LIN9: variants seen among roughly 807,000 people sequenced by gnomAD.
The protein encoded by LIN9 is lin-9 DREAM MuvB core complex component, also known as protein lin-9 homolog.
A neutral mutation model predicts 78.0 loss-of-function variants in LIN9; 18 were observed. The observed-to-expected ratio is 0.23, with a 90% CI of 0.16 to 0.34. The LOEUF (loss-of-function observed/expected upper bound fraction) is 0.34. Among genes scored for constraint, LIN9 ranks in the 10% least tolerant of loss-of-function variants. The pLI, the probability that LIN9 is intolerant of heterozygous loss-of-function variation, is 1.00. For synonymous variants in LIN9, 192 were observed against 215.2 expected (o/e 0.89, Z 0.94); for missense variants, 451 against 644.1 (o/e 0.70, Z 3.25).
At chr1:226,309,416 G>T (rs938590966), upstream of LIN9, 13 of 996,672 alleles carry the variant, frequency 1.3e-5, no homozygotes, top group African/African-American at 2.3e-4. Flanking sequence ...GCGAGGCCCG[G>T]CGCCGGAGCG....
intron 1 of LIN9, among the ~76,000 whole-genome samples, chr1:226,302,057 C>A (rs918803024): frequency 5.3e-5 from 8 of 151,990 alleles, no homozygotes; most frequent in African/African-American, 1.9e-4. Flanking sequence ...AGACAGAGTA[C>A]GACTCTGCCT....
Position 226,265,248 on chromosome 1 carries a change from T to C in LIN9, c.1038+285A>G, listed in dbSNP as rs1366220309. On this transcript the variant is annotated intron_variant, in intron 10 of 14. Transcript: ENST00000681046. This position sits in a 1 kb window ranked among gnomAD's most constrained non-coding sequence, Gnocchi z 4.1. ...AAAGCCTTCATAGTTACCCAAGTTA[T>C]TAACAGCCAAACATTCAGAATTTCA... is the stretch of plus-strand genomic sequence containing the variant. Among the ~76,000 whole-genome samples, 1 of 152,246 alleles carries C rather than the reference T, an allele frequency of 6.6e-6. No homozygotes were observed. The highest frequency in any genetic ancestry group is 2.4e-5 in the African/African-American group (1 of 41,466).
At chr1:226,290,722 T>A (rs1576347311) in intron 4 of LIN9, among the ~76,000 whole-genome samples, 1 of 152,148 alleles carries the variant, frequency 6.6e-6, no homozygotes, top group Admixed American at 6.6e-5. Context: ...AAATAGGAAC[T>A]CTAATATATA....
intron 11 of LIN9, among the ~76,000 whole-genome samples, chr1:226,249,216 TCGA>T (rs1435625797): frequency 6.6e-6 from 1 of 152,074 alleles, no homozygotes; most frequent in African/African-American, 2.4e-5. Flanking sequence ...TGAAAAGGCA[TCGA>T]ATATAAAGGG....
At chr1:226,247,100 T>G (rs928828928) in intron 11 of LIN9, among the ~76,000 whole-genome samples, 1 of 152,146 alleles carries the variant, frequency 6.6e-6, no homozygotes, top group Non-Finnish European at 1.5e-5. Flanking sequence ...AATTACTAGC[T>G]CTCTCTTTAG....
chr1:226,259,037 GT>G (rs1659397731), intron 10 of LIN9, among the ~76,000 whole-genome samples: 1 of 143,192 alleles, frequency 7.0e-6, no homozygotes, highest in East Asian at 2.2e-4. Flanking sequence ...GTGTTGCAAT[GT>G]CAGCTCACGC....
chr1:226,286,957 C>A (rs975505475), intron 5 of LIN9, among the ~76,000 whole-genome samples: 1 of 152,164 alleles, frequency 6.6e-6, no homozygotes, highest in African/African-American at 2.4e-5. Flanking sequence ...CAATTCTATT[C>A]ATGAGTCTGG....
chr1:226,289,234 CA>C (rs147898964), intron 4 of LIN9, among the ~76,000 whole-genome samples: 36,902 of 146,076 alleles, frequency 0.25, 4,684 homozygotes, highest in South Asian at 0.34. Flanking sequence ...GACTCCATGT[CA>C]AAAAAAAAGA....
chr1:226,250,952 CAG>C, intron 10 of LIN9, 33 bp from the exon 11 acceptor site: 2 of 1,098,322 alleles, frequency 1.8e-6, no homozygotes, highest in Non-Finnish European at 2.7e-6. Flanking sequence ...TTAGAATAAA[CAG>C]AGGCATTTAG....
intron 10 of LIN9, among the ~76,000 whole-genome samples, chr1:226,257,662 A>C (rs1242219624): frequency 1.3e-5 from 2 of 152,214 alleles, no homozygotes; most frequent in African/African-American, 4.8e-5. Flanking sequence ...GCTAAAAGAA[A>C]AAAAAGTATA....
intron 10 of LIN9, among the ~76,000 whole-genome samples, chr1:226,251,694 C>T (rs1341582388): frequency 6.6e-6 from 1 of 152,178 alleles, no homozygotes; most frequent in African/African-American, 2.4e-5. Context: ...TCTGATTAAA[C>T]CGACAAGCAA....
intron 10 of LIN9, among the ~76,000 whole-genome samples, chr1:226,258,468 CA>C (rs200742420): frequency 0.027 from 2,017 of 73,796 alleles, 15 homozygotes; most frequent in Non-Finnish European, 0.04. Flanking sequence ...GACTTTGTCT[CA>C]AAAAAAAAAA....
intron 6 of LIN9, among the ~76,000 whole-genome samples, chr1:226,285,883 T>G (rs1011727108): frequency 6.6e-6 from 1 of 152,160 alleles, no homozygotes. Flanking sequence ...CAGAGGGACA[T>G]AGATAATGTA....
At chr1:226,258,318 T>C (rs1659335969) in intron 10 of LIN9, among the ~76,000 whole-genome samples, 1 of 150,508 alleles carries the variant, frequency 6.6e-6, no homozygotes, top group African/African-American at 2.5e-5. Context: ...CTGGCCAACA[T>C]GGTGAAAACC....
intron 7 of LIN9, among the ~76,000 whole-genome samples, chr1:226,275,976 C>T (rs1190240528): frequency 6.6e-6 from 1 of 151,774 alleles, no homozygotes; most frequent in Non-Finnish European, 1.5e-5. Flanking sequence ...TGTAGTGAGC[C>T]GAGATCACAC....
At chr1:226,270,069 C>T (rs1325198566) in intron 7 of LIN9, among the ~76,000 whole-genome samples, 2 of 152,064 alleles carry the variant, frequency 1.3e-5, no homozygotes, top group East Asian at 1.9e-4. Context: ...ATTACAAGTG[C>T]CCGCCACCAC....
chr1:226,281,131 T>C (rs79524293), intron 6 of LIN9, among the ~76,000 whole-genome samples: 5,149 of 152,242 alleles, frequency 0.034, 324 homozygotes, highest in African/African-American at 0.12. Flanking sequence ...ATAGATGATA[T>C]TGGAAGTCAT....
chr1:226,279,718 T>A (rs1660918400), intron 6 of LIN9, among the ~76,000 whole-genome samples: 1 of 134,852 alleles, frequency 7.4e-6, no homozygotes, highest in African/African-American at 2.9e-5. Context: ...GAAGTTGTAG[T>A]GAGCCGAGAT....
At chr1:226,260,860 T>C (rs1042980359) in intron 10 of LIN9, among the ~76,000 whole-genome samples, 2 of 151,924 alleles carry the variant, frequency 1.3e-5, no homozygotes, top group Non-Finnish European at 2.9e-5. Flanking sequence ...TTAGCCAGGA[T>C]GGTCTCGATC....
Sources: allele counts gnomAD v4.1 joint callset (sites outside exome capture counted in the v4.1 genomes callset), GRCh38; gene constraint gnomAD v4.1.1; non-coding constraint Gnocchi (gnomAD v3.1); transcripts MANE v1.5; gene names NCBI Gene and HGNC (gene_info 2026-07-23, HGNC 2026-07-21).